The following SUCLG2 variants were observed in gnomAD, a reference collection of about 807,000 sequenced individuals.
SUCLG2 encodes the protein succinate--CoA ligase [GDP-forming] subunit beta, mitochondrial.
SUCLG2 carries 42 observed loss-of-function variants against 47.9 expected under a neutral mutation model. The observed-to-expected ratio is 0.88, with a 90% CI of 0.69 to 1.14. SUCLG2 has a LOEUF of 1.14. Ranked by LOEUF, SUCLG2 falls within the 50% of genes most tolerant of loss-of-function variation. The probability of loss-of-function intolerance (pLI) is 0.00; values close to 1 mark genes in which losing one functional copy is unlikely to be tolerated. For missense variants in SUCLG2, 571 were observed against 525.9 expected, an observed-to-expected ratio of 1.09 and a Z score of -0.84; for synonymous variants, 195 against 197.3, an observed-to-expected ratio of 0.99 and a Z score of 0.10.
At chr3:67,454,687 G>A (rs1330853348) in intron 9 of SUCLG2, among the ~76,000 whole-genome samples, 1 of 152,138 alleles carries the variant, frequency 6.6e-6, no homozygotes, top group Non-Finnish European at 1.5e-5. Context: ...AATGGGCCGG[G>A]CGTGGTGGCT....
At chr3:67,440,223 A>G (rs1303325997) in intron 9 of SUCLG2, among the ~76,000 whole-genome samples, 1 of 152,216 alleles carries the variant, frequency 6.6e-6, no homozygotes, top group Admixed American at 6.5e-5. Flanking sequence ...TTTATGCAAA[A>G]ACTAACTCAA....
Position 67,400,859 on chromosome 3 carries a change from C to A in SUCLG2, c.1063-8G>T, listed in dbSNP as rs373136567. ...GACAAGGATGGCTTCAACCTGAAAT[C>A]AAAAATAAAAAGTTACCAATCAAAA... is the stretch of plus-strand genomic sequence containing the variant. On this transcript the variant is annotated splice_region_variant and splice_polypyrimidine_tract_variant and intron_variant, in intron 9 of 10. Coordinates refer to ENST00000307227, the MANE Select transcript of SUCLG2 (RefSeq NM_003848.4). 20 of 1,610,776 alleles carry A rather than the reference C, an allele frequency of 1.2e-5. No homozygotes were observed. The African/African-American group carries it at 2.5e-4, about 20-fold the overall frequency.
chr3:67,426,395 C>A (rs1703302295), intron 9 of SUCLG2, among the ~76,000 whole-genome samples: 1 of 152,102 alleles, frequency 6.6e-6, no homozygotes, highest in Non-Finnish European at 1.5e-5. Context: ...TCTGCACAAA[C>A]AATTAAAACT....
chr3:67,509,854 T>C (rs1705737411), intron 6 of SUCLG2, among the ~76,000 whole-genome samples: 1 of 152,218 alleles, frequency 6.6e-6, no homozygotes, highest in Non-Finnish European at 1.5e-5. Flanking sequence ...TCTCCAACTC[T>C]ACTCTGTATA....
intron 2 of SUCLG2, among the ~76,000 whole-genome samples, chr3:67,563,671 A>G (rs778194785): frequency 2.0e-5 from 3 of 152,154 alleles, no homozygotes; most frequent in Non-Finnish European, 4.4e-5. Context: ...AAGAAGTACT[A>G]CTAGTTGGCC....
intron 9 of SUCLG2, among the ~76,000 whole-genome samples, chr3:67,471,545 G>A (rs377413917): frequency 6.6e-6 from 1 of 152,188 alleles, no homozygotes; most frequent in Non-Finnish European, 1.5e-5. Context: ...AGTAGCCAGA[G>A]AGAAAGACAG....
In SUCLG2 at chr3:67,618,593, T is replaced by TA. The variant is rs1275781191; in HGVS notation, c.85-8998dup. ...CGATTTGAATCCAGGTCCCCCTGCC[T>TA]AAAAAAAACCCATGAGCTTTCTATT... On this transcript the variant is annotated intron_variant, in intron 1 of 10. Coordinates refer to ENST00000307227, the MANE Select transcript of SUCLG2 (RefSeq NM_003848.4). Among the ~76,000 whole-genome samples the TA allele has an allele frequency of 7.2e-5, 11 of 152,100 alleles. No homozygotes were observed. In the East Asian group the frequency reaches 1.9e-3, roughly 27 times the overall value.
intron 2 of SUCLG2, among the ~76,000 whole-genome samples, chr3:67,588,479 G>C (rs952713699): frequency 6.6e-6 from 1 of 152,140 alleles, no homozygotes; most frequent in Non-Finnish European, 1.5e-5. Context: ...TCTAACACAT[G>C]AAACAATAAG....
intron 2 of SUCLG2, among the ~76,000 whole-genome samples, chr3:67,600,309 G>A (rs992631537): frequency 2.6e-5 from 4 of 151,984 alleles, no homozygotes; most frequent in Non-Finnish European, 4.4e-5. Flanking sequence ...CTTTCATGAC[G>A]GCTCAAAACA....
At chr3:67,422,858 C>G (rs1484931750) in intron 9 of SUCLG2, among the ~76,000 whole-genome samples, 1 of 152,126 alleles carries the variant, frequency 6.6e-6, no homozygotes, top group East Asian at 1.9e-4. Context: ...TCAGCTACAC[C>G]AAGAGAGATG....
intron 7 of SUCLG2, among the ~76,000 whole-genome samples, chr3:67,500,743 T>C (rs1373231649): frequency 6.6e-6 from 1 of 152,232 alleles, no homozygotes; most frequent in Non-Finnish European, 1.5e-5. Flanking sequence ...CAAGACTACT[T>C]ATAACTGACA....
chr3:67,607,608 A>G (rs2107309237), intron 2 of SUCLG2, among the ~76,000 whole-genome samples: 1 of 152,256 alleles, frequency 6.6e-6, no homozygotes, highest in East Asian at 1.9e-4. Flanking sequence ...TGGATCTGTA[A>G]GGAGGAAAAT....
At chr3:67,600,422 T>C (rs1277584013) in intron 2 of SUCLG2, among the ~76,000 whole-genome samples, 2 of 152,220 alleles carry the variant, frequency 1.3e-5, no homozygotes, top group Non-Finnish European at 1.5e-5. Flanking sequence ...GCCATCTCAA[T>C]CATTCCTTGA....
chr3:67,398,341 C>A (rs1220208646), intron 10 of SUCLG2, among the ~76,000 whole-genome samples: 1 of 150,884 alleles, frequency 6.6e-6, no homozygotes, highest in South Asian at 2.1e-4. Flanking sequence ...ACAAACAACC[C>A]CATCAAAAAG....
In SUCLG2 at chr3:67,375,536, CA is replaced by C; in HGVS notation, c.*207del. On this transcript the variant is annotated 3_prime_UTR_variant, in exon 11 of 11. Coordinates refer to ENST00000307227, the MANE Select transcript of SUCLG2 (RefSeq NM_003848.4). ...ACAGTGACAGAAAAGTATGAGAACA[CA>C]AGATATTATTTTTATAAAGACCAAA... 7.4e-7 allele frequency: 1 copy of C among 1,345,168 alleles called. No individual in the cohort carries two copies. Among genetic ancestry groups the C allele is most frequent in the South Asian group, 1.8e-5 (1 of 55,694 alleles). The allele number at this position is 1,345,168 out of a possible 1,614,324, so 83.3% of individuals were successfully genotyped here. A position where few individuals can be genotyped will look rare whatever the true frequency, so the allele number is the denominator to read the frequency against.
Position 67,483,092 on chromosome 3 carries a change from G to A in SUCLG2, c.1062+12706C>T, listed in dbSNP as rs142202935. On this transcript the variant is annotated intron_variant, in intron 9 of 10. Transcript: ENST00000307227. ...TGCTCCATTTCAGAAGACCTCAAAG[G>A]TGGAAATGAAGCATTCTCAGGAGAG... 1.1e-3 allele frequency among the ~76,000 whole-genome samples: 175 copies of A among 152,276 alleles called. 1 individual carries two copies. The highest frequency in any genetic ancestry group is 1.9e-3 in the Non-Finnish European group (131 of 68,030).
intron 2 of SUCLG2, among the ~76,000 whole-genome samples, chr3:67,555,412 A>G (rs547516779): frequency 6.6e-6 from 1 of 152,306 alleles, no homozygotes; most frequent in South Asian, 2.1e-4. Context: ...CTATACACAC[A>G]TACTACCTCC....
intron 9 of SUCLG2, among the ~76,000 whole-genome samples, chr3:67,403,821 C>T (rs534835953): frequency 1.3e-5 from 2 of 152,126 alleles, no homozygotes; most frequent in Non-Finnish European, 2.9e-5. Flanking sequence ...ACAGGTGAGG[C>T]CAAGATTGTC....
intron 9 of SUCLG2, among the ~76,000 whole-genome samples, chr3:67,494,375 C>T (rs1295261400): frequency 2.0e-5 from 3 of 152,136 alleles, no homozygotes; most frequent in Non-Finnish European, 2.9e-5. Context: ...TGGCTCACGC[C>T]TGTAATCTCC....
Sources: allele counts gnomAD v4.1 joint callset (sites outside exome capture counted in the v4.1 genomes callset), GRCh38; gene constraint gnomAD v4.1.1; transcripts MANE v1.5; gene names NCBI Gene and HGNC (gene_info 2026-07-23, HGNC 2026-07-21).